ZFHX3: variants seen among roughly 807,000 people sequenced by gnomAD.
ZFHX3 encodes the protein zinc finger homeobox 3.
A neutral mutation model predicts 279.1 loss-of-function variants in ZFHX3; 42 were observed. The ratio of observed to expected loss-of-function variants is 0.15; its 90% CI spans 0.12 to 0.19. The LOEUF (loss-of-function observed/expected upper bound fraction) is 0.19, where lower values mean the gene tolerates loss of function less well. Among genes scored for constraint, ZFHX3 ranks in the 10% least tolerant of loss-of-function variants. The probability of loss-of-function intolerance (pLI) is 1.00; values close to 1 mark genes in which losing one functional copy is unlikely to be tolerated. For synonymous variants in ZFHX3, 2,293 were observed against 1,957.8 expected (o/e 1.17, Z -4.52); for missense variants, 4,981 against 4,754.0 (o/e 1.05, Z -1.40).
chr16:72,813,847 C>T (rs750494757), intron 5 of ZFHX3, among the ~76,000 whole-genome samples: 1 of 152,166 alleles, frequency 6.6e-6, no homozygotes, highest in African/African-American at 2.4e-5. Context: ...CTCCTGGCCC[C>T]GCTCAGACCT....
chr16:73,772,611 A>T (rs2054031117), intron 1 of ZFHX3, among the ~76,000 whole-genome samples: 2 of 152,162 alleles, frequency 1.3e-5, no homozygotes, highest in African/African-American at 4.8e-5. Context: ...GCAGTTAGCT[A>T]GTCTCCTTCT....
At chr16:73,356,885 C>G (rs1302254886) in intron 3 of ZFHX3, among the ~76,000 whole-genome samples, 2 of 149,000 alleles carry the variant, frequency 1.3e-5, no homozygotes, top group African/African-American at 5.0e-5. Flanking sequence ...TAGGCCTGTG[C>G]TGGGAGGTGC....
intron 3 of ZFHX3, among the ~76,000 whole-genome samples, chr16:73,453,534 G>C (rs1265609183): frequency 6.6e-6 from 1 of 152,198 alleles, no homozygotes; most frequent in East Asian, 1.9e-4. Flanking sequence ...TGTAACACTA[G>C]CCACCTTCAG....
At chr16:73,090,689 C>G (rs984558044) in intron 8 of ZFHX3, among the ~76,000 whole-genome samples, 8 of 148,934 alleles carry the variant, frequency 5.4e-5, no homozygotes, top group Admixed American at 2.0e-4. Context: ...GAGTTCGAGA[C>G]CAGCCTGGGC....
intron 7 of ZFHX3, chr16:73,094,532 G>A (rs1287181653): frequency 6.6e-6 from 1 of 152,042 alleles, no homozygotes; most frequent in Non-Finnish European, 1.5e-5. Flanking sequence ...GTGCTGACGG[G>A]TCACGGTGGG....
chr16:72,985,113 G>A (rs1028918124), intron 1 of ZFHX3, among the ~76,000 whole-genome samples: 8 of 152,032 alleles, frequency 5.3e-5, no homozygotes, highest in Non-Finnish European at 8.8e-5. Flanking sequence ...ACGTAATCTC[G>A]AAATGATGGG....
At chr16:73,416,394 G>A (rs1485388797) in intron 3 of ZFHX3, among the ~76,000 whole-genome samples, 1 of 152,168 alleles carries the variant, frequency 6.6e-6, no homozygotes, top group Non-Finnish European at 1.5e-5. Flanking sequence ...CCCAAAGGTT[G>A]TGGGAGTGCT....
chr16:73,210,427 A>G (rs2011971724), intron 5 of ZFHX3, among the ~76,000 whole-genome samples: 1 of 150,214 alleles, frequency 6.7e-6, no homozygotes, highest in African/African-American at 2.5e-5. Context: ...TTTGGGGGTA[A>G]AAAAAATCCA....
intron 2 of ZFHX3, among the ~76,000 whole-genome samples, chr16:73,512,755 C>T (rs542308558): frequency 3.3e-5 from 5 of 152,238 alleles, no homozygotes; most frequent in South Asian, 4.1e-4. Flanking sequence ...ACTGCTTTTG[C>T]TTTGCATTCA....
chr16:73,353,317 G>A (rs1006353880), intron 3 of ZFHX3, among the ~76,000 whole-genome samples: 1 of 152,322 alleles, frequency 6.6e-6, no homozygotes, highest in Middle Eastern at 3.4e-3. Context: ...CCAGAGTGGA[G>A]CTATGAAAAC....
At chr16:72,955,253 A>G (rs1237461164) in intron 2 of ZFHX3, among the ~76,000 whole-genome samples, 1 of 152,158 alleles carries the variant, frequency 6.6e-6, no homozygotes, top group African/African-American at 2.4e-5. Flanking sequence ...GCCCTTTGTG[A>G]CTGAGCTGGA....
intron 2 of ZFHX3, among the ~76,000 whole-genome samples, chr16:73,466,884 T>C (rs2018583179): frequency 1.3e-5 from 2 of 152,112 alleles, no homozygotes; most frequent in African/African-American, 4.8e-5. Context: ...GAGGGCTGAG[T>C]TGCAACCACA....
chr16:73,590,176 T>C (rs901107900), intron 2 of ZFHX3, among the ~76,000 whole-genome samples: 3 of 152,138 alleles, frequency 2.0e-5, no homozygotes, highest in African/African-American at 4.8e-5. Context: ...GAGTCTGAAT[T>C]GGGAGTATCT....
chr16:73,127,944 C>A (rs983811243), intron 7 of ZFHX3, among the ~76,000 whole-genome samples: 1 of 152,202 alleles, frequency 6.6e-6, no homozygotes, highest in African/African-American at 2.4e-5. Context: ...TGGGTAGAAG[C>A]ATTTAATTAC....
intron 1 of ZFHX3, among the ~76,000 whole-genome samples, chr16:73,025,465 T>C (rs1221983028): frequency 6.6e-6 from 1 of 152,228 alleles, no homozygotes; most frequent in Admixed American, 6.5e-5. Flanking sequence ...TTCCCCGTAT[T>C]GTGGAGCCCT....
intron 1 of ZFHX3, among the ~76,000 whole-genome samples, chr16:73,686,805 A>G (rs1202115004): frequency 6.6e-6 from 1 of 151,742 alleles, no homozygotes; most frequent in East Asian, 1.9e-4. Flanking sequence ...AACCTTATCT[A>G]GGAGAGTTAT....
At chr16:73,861,577 C>T (rs937017625) in intron 1 of ZFHX3, among the ~76,000 whole-genome samples, 2 of 152,098 alleles carry the variant, frequency 1.3e-5, no homozygotes, top group African/African-American at 2.4e-5. Flanking sequence ...TGCAATTGCA[C>T]GTTGTTTATC....
intron 4 of ZFHX3, among the ~76,000 whole-genome samples, chr16:72,852,327 C>T (rs763002649): frequency 3.2e-4 from 48 of 152,116 alleles, no homozygotes; most frequent in African/African-American, 6.5e-4. Context: ...AAGAGGGCTC[C>T]GCTAATAAAA....
chr16:73,676,241 TA>T (rs1400487829), intron 2 of ZFHX3, among the ~76,000 whole-genome samples: 2 of 151,982 alleles, frequency 1.3e-5, no homozygotes, highest in East Asian at 3.9e-4. Context: ...AAAATAAACA[TA>T]TGCATTAAGA....
Sources: gnomAD v4.1 joint callset for allele counts (sites outside exome capture counted in the v4.1 genomes callset) on GRCh38, gnomAD v4.1.1 for gene constraint, MANE v1.5 for transcripts, NCBI Gene and HGNC (gene_info 2026-07-23, HGNC 2026-07-21) for gene names.